Variants in CCDC192 observed in about 807,000 individuals in gnomAD.
The protein encoded by CCDC192 is coiled-coil domain-containing protein 192.
At chr5:127,755,680 CA>C (rs35162424) in intron 3 of CCDC192, among the ~76,000 whole-genome samples, 6,208 of 113,474 alleles carry the variant, frequency 0.055, 421 homozygotes, top group African/African-American at 0.19. Flanking sequence ...CATTTCAAAG[CA>C]AAAAAAAAAA....
intron 2 of CCDC192, among the ~76,000 whole-genome samples, chr5:127,710,150 T>A (rs1751239463): frequency 6.6e-6 from 1 of 152,126 alleles, no homozygotes; most frequent in Non-Finnish European, 1.5e-5. Flanking sequence ...AAAATATTTC[T>A]AAAGAAATAC....
At position 127,794,192 on chromosome 5, in the gene CCDC192, T is replaced by G. The variant is rs116364154; in HGVS notation, c.223-2911T>G. Reference sequence around the variant, plus strand: ...ACAGGAAAGCCAGGCTCTGATTAGTTTATGCTTTGATTCCTGAACCAATCA... The same window carrying G: ...ACAGGAAAGCCAGGCTCTGATTAGTGTATGCTTTGATTCCTGAACCAATCA... On this transcript the variant is annotated intron_variant, in intron 3 of 6. Transcript: ENST00000514853. Among the ~76,000 whole-genome samples, 1,077 of 152,294 alleles carry G rather than the reference T, an allele frequency of 7.1e-3. 5 individuals are homozygous for G. The highest frequency in any genetic ancestry group is 0.011 in the Non-Finnish European group (754 of 68,034).
rs139299845 is a variant in CCDC192, at chr5:127,936,951, G to A, written c.536-4231G>A. Among the ~76,000 whole-genome samples the A allele has an allele frequency of 4.4e-3, 664 of 152,322 alleles. 3 individuals carry two copies. The highest frequency in any genetic ancestry group is 0.015 in the African/African-American group (630 of 41,576). ...AGGGAGACTAGATGGGGGGAGAGGA[G>A]TGAGATGGTTAGTGGTAGATTCTAG... is the stretch of plus-strand genomic sequence containing the variant. On this transcript the variant is annotated intron_variant, in intron 6 of 6. Coordinates refer to ENST00000514853, the MANE Select transcript of CCDC192 (RefSeq NM_001317938.2).
intron 2 of CCDC192, among the ~76,000 whole-genome samples, chr5:127,724,250 A>G (rs12513840): frequency 0.055 from 8,420 of 152,248 alleles, 541 homozygotes; most frequent in East Asian, 0.27. Flanking sequence ...TGCCTTAAAT[A>G]CCTAAGGAGA....
intron 6 of CCDC192, among the ~76,000 whole-genome samples, chr5:127,921,131 A>G (rs905541367): frequency 2.7e-5 from 4 of 150,030 alleles, no homozygotes; most frequent in African/African-American, 9.9e-5. Flanking sequence ...AGAGGAAAGG[A>G]CAGGAGAAAG....
intron 6 of CCDC192, among the ~76,000 whole-genome samples, chr5:127,900,976 T>A (rs1753022163): frequency 6.6e-6 from 1 of 152,184 alleles, no homozygotes; most frequent in Non-Finnish European, 1.5e-5. Flanking sequence ...AATTAACATT[T>A]GGGTTCAGAA....
At chr5:127,808,584 C>T (rs1015816903) in intron 5 of CCDC192, among the ~76,000 whole-genome samples, 1 of 152,102 alleles carries the variant, frequency 6.6e-6, no homozygotes, top group Non-Finnish European at 1.5e-5. Context: ...ACTTGGAATT[C>T]ACTAAGAATT....
At chr5:127,917,311 G>C (rs534571769) in intron 6 of CCDC192, among the ~76,000 whole-genome samples, 1 of 152,242 alleles carries the variant, frequency 6.6e-6, no homozygotes, top group South Asian at 2.1e-4. Flanking sequence ...CAGCAATAAG[G>C]CTGTTTTCTT....
intron 3 of CCDC192, among the ~76,000 whole-genome samples, chr5:127,777,698 A>AT (rs1755950886): frequency 6.6e-6 from 1 of 152,214 alleles, no homozygotes; most frequent in East Asian, 1.9e-4. Flanking sequence ...TAATTGAAGC[A>AT]TAAGGGCCAT....
chr5:127,743,768 C>G (rs1431344629), intron 2 of CCDC192, among the ~76,000 whole-genome samples: 2 of 152,110 alleles, frequency 1.3e-5, no homozygotes, highest in Admixed American at 1.3e-4. Context: ...AAATATTTGC[C>G]TAAGTAGAAA....
chr5:127,832,237 G>C (rs1171014753), intron 5 of CCDC192, among the ~76,000 whole-genome samples: 3 of 152,156 alleles, frequency 2.0e-5, no homozygotes, highest in African/African-American at 7.2e-5. Context: ...AATAGAAGAG[G>C]CTTCAATACT....
chr5:127,868,907 G>A (rs533468630), intron 5 of CCDC192, among the ~76,000 whole-genome samples: 29 of 152,132 alleles, frequency 1.9e-4, no homozygotes, highest in African/African-American at 5.6e-4. Flanking sequence ...GAGATAGACC[G>A]CAGAGATTTA....
rs1754202515 is a variant in CCDC192, at chr5:127,936,931, G to A, written c.536-4251G>A. Among the ~76,000 whole-genome samples, 6 of 152,320 alleles carry A rather than the reference G, an allele frequency of 3.9e-5. No individual in the cohort carries two copies. In the South Asian group the frequency reaches 1.2e-3, roughly 32 times the overall value. ...ATCACTTCCTGTTACAGATGAGGGA[G>A]ACTAGATGGGGGGAGAGGAGTGAGA... is the stretch of plus-strand genomic sequence containing the variant. On this transcript the variant is annotated intron_variant, in intron 6 of 6. Coordinates refer to ENST00000514853, the MANE Select transcript of CCDC192 (RefSeq NM_001317938.2).
At chr5:127,772,749 AAT>A (rs1203124557) in intron 3 of CCDC192, among the ~76,000 whole-genome samples, 1 of 152,226 alleles carries the variant, frequency 6.6e-6, no homozygotes, top group Non-Finnish European at 1.5e-5. Flanking sequence ...GATTTAGTTC[AAT>A]CATGATTCAT....
chr5:127,783,603 TG>T (rs1561486232), intron 3 of CCDC192, among the ~76,000 whole-genome samples: 2 of 152,154 alleles, frequency 1.3e-5, no homozygotes, highest in East Asian at 3.8e-4. Flanking sequence ...CTGTGGTCGT[TG>T]GGTGGAATTT....
At position 127,726,717 on chromosome 5, in the gene CCDC192, T is replaced by C. The variant is rs181681289; in HGVS notation, c.114+18957T>C. On this transcript the variant is annotated intron_variant, in intron 2 of 6. Transcript: ENST00000514853. Reference sequence around the variant, plus strand: ...TTTCTCACTGGTCAGGGCCTCCTTGTGGGAATTTCAGCCATTCTGGCCAGG... The same window carrying C: ...TTTCTCACTGGTCAGGGCCTCCTTGCGGGAATTTCAGCCATTCTGGCCAGG... 1.3e-3 allele frequency among the ~76,000 whole-genome samples: 191 copies of C among 152,328 alleles called. 1 individual carries two copies. Among genetic ancestry groups the C allele is most frequent in the African/African-American group, 4.4e-3 (182 of 41,580 alleles).
chr5:127,759,324 T>C (rs1754785657), intron 3 of CCDC192, among the ~76,000 whole-genome samples: 1 of 152,202 alleles, frequency 6.6e-6, no homozygotes, highest in Non-Finnish European at 1.5e-5. Context: ...CACAATATGA[T>C]AGTATGTGGT....
intron 5 of CCDC192, among the ~76,000 whole-genome samples, chr5:127,801,073 G>T (rs1192167911): frequency 6.6e-6 from 1 of 152,116 alleles, no homozygotes; most frequent in African/African-American, 2.4e-5. Flanking sequence ...TAAAGATTTG[G>T]AATGGGTGCA....
intron 2 of CCDC192, among the ~76,000 whole-genome samples, chr5:127,741,211 C>T (rs1298574939): frequency 6.6e-6 from 1 of 152,004 alleles, no homozygotes; most frequent in African/African-American, 2.4e-5. Context: ...CAGGCACACA[C>T]CACCACCACC....
Sources: gnomAD v4.1 joint callset for allele counts (sites outside exome capture counted in the v4.1 genomes callset) on GRCh38, gnomAD v4.1.1 for gene constraint, MANE v1.5 for transcripts, NCBI Gene and HGNC (gene_info 2026-07-23, HGNC 2026-07-21) for gene names.